KHDRBS2: variants seen among roughly 807,000 people sequenced by gnomAD.
KHDRBS2 encodes the protein KH RNA binding domain containing, signal transduction associated 2.
A neutral mutation model predicts 44.3 loss-of-function variants in KHDRBS2; 26 were observed. The ratio of observed to expected loss-of-function variants is 0.59; its 90% CI spans 0.43 to 0.81. The LOEUF (loss-of-function observed/expected upper bound fraction) is 0.81, where lower values mean the gene tolerates loss of function less well. Among genes scored for constraint, KHDRBS2 ranks in the 40% least tolerant of loss-of-function variants. The pLI is 0.00. For missense variants in KHDRBS2, 476 were observed against 433.1 expected (o/e 1.10, Z -0.88); for synonymous variants, 194 against 151.1 (o/e 1.28, Z -2.08).
chr6:61,873,172 C>T (rs1329838475), intron 6 of KHDRBS2, among the ~76,000 whole-genome samples: 1 of 151,894 alleles, frequency 6.6e-6, no homozygotes, highest in Non-Finnish European at 1.5e-5. Context: ...AATATTCTAC[C>T]ACATTTAAAT....
chr6:62,127,304 A>G (rs1196249842), intron 2 of KHDRBS2, among the ~76,000 whole-genome samples: 1 of 152,148 alleles, frequency 6.6e-6, no homozygotes, highest in Non-Finnish European at 1.5e-5. Context: ...ATCAAGCCCT[A>G]TTAGGAGTAT....
chr6:61,564,617 G>A, the KHDRBS2 span, among the ~76,000 whole-genome samples: 14 of 152,170 alleles, frequency 9.2e-5, no homozygotes, highest in Admixed American at 3.9e-4. Context: ...TGAAAAAACA[G>A]AACTACAAGA....
At chr6:61,677,383 A>G (rs1020360157), downstream of KHDRBS2, among the ~76,000 whole-genome samples, 1 of 151,920 alleles carries the variant, frequency 6.6e-6, no homozygotes, top group Admixed American at 6.6e-5. Context: ...ATATATATGA[A>G]ATGTTACTGA....
chr6:61,789,089 T>C (rs975811891), intron 6 of KHDRBS2, among the ~76,000 whole-genome samples: 3 of 151,410 alleles, frequency 2.0e-5, no homozygotes, highest in Non-Finnish European at 4.4e-5. Context: ...GTAGCTATCT[T>C]GTAATTTATA....
chr6:61,958,007 C>T (rs1000721936), intron 4 of KHDRBS2, among the ~76,000 whole-genome samples: 6 of 152,116 alleles, frequency 3.9e-5, no homozygotes. Context: ...CATGAAATAT[C>T]AGGGGTGAAT....
chr6:61,976,113 A>C (rs1193479746), intron 4 of KHDRBS2, among the ~76,000 whole-genome samples: 1 of 152,130 alleles, frequency 6.6e-6, no homozygotes, highest in Non-Finnish European at 1.5e-5. Flanking sequence ...CTGAGTCTGT[A>C]TATATGGTGC....
At chr6:62,106,052 G>A (rs1378631353) in intron 2 of KHDRBS2, among the ~76,000 whole-genome samples, 3 of 152,172 alleles carry the variant, frequency 2.0e-5, no homozygotes, top group African/African-American at 7.2e-5. Context: ...AGTCATTCAG[G>A]AGCAGGTTGT....
intron 4 of KHDRBS2, among the ~76,000 whole-genome samples, chr6:61,956,143 G>A (rs1269316076): frequency 2.6e-5 from 4 of 151,776 alleles, no homozygotes; most frequent in Admixed American, 6.6e-5. Context: ...GCAGTGAGCC[G>A]AGATTGCACC....
the KHDRBS2 span, among the ~76,000 whole-genome samples, chr6:61,554,089 G>A: frequency 1.3e-5 from 2 of 152,044 alleles, no homozygotes; most frequent in Non-Finnish European, 1.5e-5. Flanking sequence ...GTCTTATATT[G>A]CTATTGGGGT....
intron 1 of KHDRBS2, among the ~76,000 whole-genome samples, chr6:62,231,727 AAAG>A (rs1402215746): frequency 1.3e-5 from 2 of 152,212 alleles, no homozygotes; most frequent in South Asian, 2.1e-4. Flanking sequence ...TTTAATTTCC[AAAG>A]AAGATCTTTA....
chr6:62,097,129 A>T (rs1800786464), intron 2 of KHDRBS2, among the ~76,000 whole-genome samples: 1 of 150,224 alleles, frequency 6.7e-6, no homozygotes. Flanking sequence ...AATTGTTGAG[A>T]CTTACTTTAT....
At chr6:62,003,876 A>C (rs1368220907) in intron 3 of KHDRBS2, among the ~76,000 whole-genome samples, 1 of 152,154 alleles carries the variant, frequency 6.6e-6, no homozygotes, top group African/African-American at 2.4e-5. Flanking sequence ...ACTACATGGA[A>C]ACCAAACAAC....
At chr6:62,238,682 T>TTA (rs527976447) in intron 1 of KHDRBS2, among the ~76,000 whole-genome samples, 4,396 of 125,042 alleles carry the variant, frequency 0.035, 142 homozygotes, top group African/African-American at 0.1. Flanking sequence ...CTTTTAAGTT[T>TTA]TATATACACA....
At chr6:61,818,370 A>G (rs932581525) in intron 6 of KHDRBS2, among the ~76,000 whole-genome samples, 2 of 151,862 alleles carry the variant, frequency 1.3e-5, no homozygotes, top group Admixed American at 1.3e-4. Flanking sequence ...ATTTAATATA[A>G]TATACTAAGA....
intron 6 of KHDRBS2, among the ~76,000 whole-genome samples, chr6:61,767,731 T>C (rs1554197230): frequency 2.6e-5 from 4 of 152,160 alleles, no homozygotes; most frequent in Non-Finnish European, 5.9e-5. Context: ...ACTGATTTCA[T>C]AAACAAACAA....
intron 1 of KHDRBS2, among the ~76,000 whole-genome samples, chr6:62,195,656 T>C (rs1825529957): frequency 1.3e-5 from 2 of 152,152 alleles, no homozygotes; most frequent in Admixed American, 1.3e-4. Context: ...TAAAAATCCC[T>C]TGGCCATTGG....
intron 1 of KHDRBS2, among the ~76,000 whole-genome samples, chr6:62,267,948 G>A (rs1188439393): frequency 6.6e-6 from 1 of 151,978 alleles, no homozygotes; most frequent in Non-Finnish European, 1.5e-5. Flanking sequence ...ATATTTATAT[G>A]TTATCTAGGC....
intron 6 of KHDRBS2, among the ~76,000 whole-genome samples, chr6:61,841,674 C>G (rs952881219): frequency 6.6e-6 from 1 of 152,126 alleles, no homozygotes; most frequent in African/African-American, 2.4e-5. Flanking sequence ...TTGCATCTTC[C>G]TGGGCACGGT....
chr6:61,817,591 T>C (rs934949540), intron 6 of KHDRBS2, among the ~76,000 whole-genome samples: 1 of 152,126 alleles, frequency 6.6e-6, no homozygotes, highest in Non-Finnish European at 1.5e-5. Context: ...ATACCTTCGA[T>C]TTTGGAGAGA....
Sources: allele counts gnomAD v4.1 joint callset (sites outside exome capture counted in the v4.1 genomes callset), GRCh38; gene constraint gnomAD v4.1.1; transcripts MANE v1.5; gene names NCBI Gene and HGNC (gene_info 2026-07-23, HGNC 2026-07-21).